The following LAMB1 variants were observed in gnomAD, a reference collection of about 807,000 sequenced individuals.
LAMB1 encodes laminin subunit beta 1.
In LAMB1, 121 loss-of-function variants were observed where a neutral mutation model predicts 222.3. The observed-to-expected ratio is 0.54, with a 90% CI of 0.47 to 0.63. The LOEUF (loss-of-function observed/expected upper bound fraction) is 0.63. Ranked by LOEUF, LAMB1 falls within the 30% of genes least tolerant of loss-of-function variation. The pLI, the probability that LAMB1 is intolerant of heterozygous loss-of-function variation, is 0.00. For missense variants in LAMB1, 2,172 were observed against 2,240.8 expected (o/e 0.97, Z 0.62); for synonymous variants, 794 against 807.2 (o/e 0.98, Z 0.28).
Position 107,964,566 on chromosome 7 carries a change from C to T in LAMB1, c.1684G>A (p.Ala562Thr). The T allele has an allele frequency of 6.2e-7, 1 of 1,614,186 alleles. No individual in the cohort carries two copies. Among genetic ancestry groups the T allele is most frequent in the Non-Finnish European group, 8.5e-7 (1 of 1,180,026 alleles). Reference protein sequence around the residue: ...LDHYLYEAEEANLGPGVSIVE... With the variant: ...LDHYLYEAEETNLGPGVSIVE... The stretch of plus-strand genomic sequence containing the variant: ...CCCCTACTCACAGGCCCCAAGTTGG[C>T]TTCCTCCGCTTCATAGAGGTAGTGA... Residue 562 changes from alanine (A) to threonine (T), a missense_variant, in exon 14 of 34, where the codon GCC (alanine) becomes ACC (threonine). Physicochemically the swap from Ala to Thr is moderately conservative, Grantham distance 58. Coordinates refer to ENST00000222399, the MANE Select transcript of LAMB1 (RefSeq NM_002291.3).
Position 107,959,823 on chromosome 7 carries a change from C to G in LAMB1, c.2326G>C (p.Asp776His), listed in dbSNP as rs755423167. ...ACGGAACTTAACGAACCCTGAGGGT[C>G]GCATTCACAAGCTGTGGGTAAAGAG... ...LHQTGLACEC[D>H]PQGSLSSVCD... The change falls in exon 19 of 34, where the codon GAC (aspartate) becomes CAC (histidine). Residue 776 changes from aspartate to histidine, a missense_variant. Coordinates refer to ENST00000222399, the MANE Select transcript of LAMB1 (RefSeq NM_002291.3). 1 of 1,612,874 alleles carries G rather than the reference C, an allele frequency of 6.2e-7. No individual in the cohort carries two copies. The highest frequency in any genetic ancestry group is 1.1e-5 in the South Asian group (1 of 90,776).
chr7:107,966,489 G>C (rs1674085645), intron 13 of LAMB1, among the ~76,000 whole-genome samples: 1 of 152,142 alleles, frequency 6.6e-6, no homozygotes, highest in Admixed American at 6.5e-5. Context: ...GATTACAGGT[G>C]TAAGCCACCA....
intron 29 of LAMB1, among the ~76,000 whole-genome samples, chr7:107,930,802 A>G (rs537823968): frequency 6.6e-4 from 101 of 152,314 alleles, no homozygotes; most frequent in African/African-American, 2.1e-3. Flanking sequence ...AAAGATGAAA[A>G]GTATGTGGGT....
chr7:107,928,413 G>C (rs2032619278), intron 31 of LAMB1, among the ~76,000 whole-genome samples: 1 of 152,008 alleles, frequency 6.6e-6, no homozygotes, highest in Non-Finnish European at 1.5e-5. Flanking sequence ...CAGATAAGCT[G>C]CTTTATAACA....
At chr7:107,976,948 C>T (rs71540989) in intron 9 of LAMB1, among the ~76,000 whole-genome samples, 35 of 88,368 alleles carry the variant, frequency 4.0e-4, no homozygotes, top group African/African-American at 1.6e-3. Flanking sequence ...CTTTCCTCTC[C>T]CTCCTTCCTT....
At position 107,959,471 on chromosome 7, in the gene LAMB1, C is replaced by T. The variant is rs1562989623; in HGVS notation, c.2468G>A (p.Cys823Tyr). The T allele has an allele frequency of 6.2e-7, 1 of 1,614,044 alleles. No individual in the cohort carries two copies. The highest frequency in any genetic ancestry group is 8.5e-7 in the Non-Finnish European group (1 of 1,179,982). The change falls in exon 20 of 34, where the codon TGC becomes TAC. Residue 823 changes from cysteine (C) to tyrosine (Y), a missense_variant. Physicochemically the swap from Cys to Tyr is radical, Grantham distance 194. Transcript: ENST00000222399. ...FGPSGCKPCE[C>Y]HLQGSVNAFC... Reference sequence around the variant, plus strand: ...GGCATTGACAGATCCTTGCAGATGGCACTCACAAGCTAAAGAAACAGGCAA... The same window carrying T: ...GGCATTGACAGATCCTTGCAGATGGTACTCACAAGCTAAAGAAACAGGCAA...
intron 5 of LAMB1, among the ~76,000 whole-genome samples, chr7:107,987,185 GAAAT>G (rs998858232): frequency 6.6e-6 from 1 of 152,206 alleles, no homozygotes; most frequent in Admixed American, 6.5e-5. Flanking sequence ...TATGCTAAGA[GAAAT>G]AAGCCACACA....
rs553296235 is a variant in LAMB1 at position 107,993,998 on chromosome 7, C to T, written c.423+889G>A. 2.4e-3 allele frequency among the ~76,000 whole-genome samples: 372 copies of T among 152,334 alleles called. 1 individual carries two copies. The highest frequency in any genetic ancestry group is 3.6e-3 in the Non-Finnish European group (247 of 68,020). On this transcript the variant is annotated intron_variant, in intron 5 of 33. Coordinates refer to ENST00000222399, the MANE Select transcript of LAMB1 (RefSeq NM_002291.3). ...TGGCCTCCCACTTTGGTGGCAGAGA[C>T]AGTGAGACTTTCATGGCTACCCGCC...
chr7:107,935,951 A>G (rs1411938882), intron 26 of LAMB1, among the ~76,000 whole-genome samples: 1 of 152,212 alleles, frequency 6.6e-6, no homozygotes, highest in Non-Finnish European at 1.5e-5. Flanking sequence ...AGCTGGTTTC[A>G]GGCAGCCTGA....
At chr7:107,926,417 G>C in intron 31 of LAMB1, 58 bp from the exon 32 acceptor site, 1 of 1,431,868 alleles carries the variant, frequency 7.0e-7, no homozygotes, top group Non-Finnish European at 9.7e-7. Flanking sequence ...ATTACTATGA[G>C]TACAAGTTTG....
intron 24 of LAMB1, among the ~76,000 whole-genome samples, chr7:107,945,999 TTC>T (rs759580004): frequency 6.6e-6 from 1 of 152,200 alleles, no homozygotes; most frequent in Admixed American, 6.5e-5. Flanking sequence ...GTATCAGCTG[TTC>T]TCTCTGTGTC....
chr7:107,988,459 A>G (rs1173773989), intron 5 of LAMB1, among the ~76,000 whole-genome samples: 2 of 152,222 alleles, frequency 1.3e-5, no homozygotes, highest in African/African-American at 4.8e-5. Flanking sequence ...AAAAGAAAAA[A>G]GGAATGGGTA....
At chr7:107,987,117 C>T (rs1347670199) in intron 5 of LAMB1, among the ~76,000 whole-genome samples, 1 of 152,110 alleles carries the variant, frequency 6.6e-6, no homozygotes, top group Non-Finnish European at 1.5e-5. Flanking sequence ...TATTACTCAG[C>T]CATAAAGAGG....
chr7:107,957,320 G>A (rs756165091), intron 20 of LAMB1, among the ~76,000 whole-genome samples: 3 of 152,206 alleles, frequency 2.0e-5, no homozygotes, highest in Non-Finnish European at 4.4e-5. Flanking sequence ...GAACCCAGGA[G>A]GCAGAGGTTG....
intron 3 of LAMB1, chr7:107,999,696 C>T (rs1337852454): frequency 3.7e-5 from 1 of 26,898 alleles, no homozygotes; most frequent in East Asian, 3.8e-4. Flanking sequence ...TCTTTAGGCC[C>T]TATCTGTGAA....
intron 24 of LAMB1, among the ~76,000 whole-genome samples, chr7:107,946,677 T>C (rs2033123244): frequency 6.6e-6 from 1 of 152,256 alleles, no homozygotes; most frequent in Admixed American, 6.5e-5. Flanking sequence ...TTCACTCTAC[T>C]GACAACAGTA....
In LAMB1 at chr7:107,929,054, G is replaced by A; in HGVS notation, c.4887+10C>T. 2 of 1,612,824 alleles carry A rather than the reference G, an allele frequency of 1.2e-6. No individual in the cohort carries two copies. Among genetic ancestry groups the A allele is most frequent in the East Asian group, 2.2e-5 (1 of 44,868 alleles). ...GTGTTCCCATTCATGTAATGATTGT[G>A]TATGCCTACCGAAGTTAACAGGTTC... is the stretch of plus-strand genomic sequence containing the variant. On this transcript the variant is annotated intron_variant, in intron 31 of 33. Coordinates refer to ENST00000222399, the MANE Select transcript of LAMB1 (RefSeq NM_002291.3).
intron 20 of LAMB1, among the ~76,000 whole-genome samples, chr7:107,958,142 A>AT (rs1562988862): frequency 1.3e-5 from 2 of 152,184 alleles, no homozygotes; most frequent in East Asian, 1.9e-4. Context: ...TCTCGTACTT[A>AT]TTCTCCATCT....
intron 17 of LAMB1, among the ~76,000 whole-genome samples, chr7:107,960,880 G>A (rs1363827267): frequency 1.3e-5 from 2 of 152,166 alleles, no homozygotes; most frequent in Non-Finnish European, 1.5e-5. Flanking sequence ...TTATTTTAGA[G>A]ATGGGGTCTT....
Sources: gnomAD v4.1 joint callset for allele counts (sites outside exome capture counted in the v4.1 genomes callset) on GRCh38, gnomAD v4.1.1 for gene constraint, MANE v1.5 for transcripts, NCBI Gene and HGNC (gene_info 2026-07-23, HGNC 2026-07-21) for gene names.